Variants in VAC14 observed in about 807,000 individuals in gnomAD.
VAC14 encodes VAC14 component of PIKFYVE complex.
VAC14 carries 47 observed loss-of-function variants against 85.3 expected under a neutral mutation model. That is an observed-to-expected ratio of 0.55 (90% CI 0.44 to 0.70). The LOEUF is 0.70. VAC14 is among the 30% of genes least tolerant of loss of function. The pLI is 0.00. For missense variants in VAC14, 861 were observed against 1,004.3 expected (o/e 0.86, Z 1.93); for synonymous variants, 447 against 430.5 (o/e 1.04, Z -0.47).
intron 1 of VAC14, among the ~76,000 whole-genome samples, chr16:70,798,479 C>G (rs912190399): frequency 2.0e-5 from 3 of 152,214 alleles, no homozygotes; most frequent in Non-Finnish European, 4.4e-5. Context: ...AGTGCTCAGA[C>G]AAGCAAAATG....
In VAC14 at chr16:70,702,560, C is replaced by T. The variant is rs143721309; in HGVS notation, c.1662-3749G>A. On this transcript the variant is annotated intron_variant, in intron 14 of 18. Transcript: ENST00000261776. ...TCCACTGAGGATGACTCCCATCCTA[C>T]TGCTGGGAAGGAGGTGGGGGCCGCA... 4.0e-3 allele frequency among the ~76,000 whole-genome samples: 610 copies of T among 152,298 alleles called. 4 individuals are homozygous for T. Among genetic ancestry groups the T allele is most frequent in the Non-Finnish European group, 6.5e-3 (443 of 68,010 alleles).
At chr16:70,787,198 T>A (rs1337460207) in intron 1 of VAC14, among the ~76,000 whole-genome samples, 1 of 152,170 alleles carries the variant, frequency 6.6e-6, no homozygotes, top group African/African-American at 2.4e-5. Context: ...AGGCATGGGT[T>A]TGACGGGAGA....
At chr16:70,695,681 C>A in intron 16 of VAC14, 58 bp from the exon 17 acceptor site, 1 of 1,531,222 alleles carries the variant, frequency 6.5e-7, no homozygotes, top group Non-Finnish European at 9.0e-7. Context: ...CAGCTCACAG[C>A]ACCACACGCC....
rs1440019963 is a variant in VAC14 at position 70,783,044 on chromosome 16, C to T, written c.800G>A (p.Cys267Tyr). 6.2e-7 allele frequency: 1 copy of T among 1,614,064 alleles called. No homozygotes were observed. The highest frequency in any genetic ancestry group is 8.5e-7 in the Non-Finnish European group (1 of 1,179,940). The change falls in exon 7 of 19, where the codon TGC becomes TAC. Residue 267 changes from cysteine to tyrosine, a missense_variant. Cys to Tyr is a radical substitution (Grantham distance 194, BLOSUM62 -2). This residue lies in a region of VAC14 where 629 missense variants were observed against 703.1 expected (regional missense o/e 0.89). Coordinates refer to ENST00000261776, the MANE Select transcript of VAC14 (RefSeq NM_018052.5). ...CCCCCAATACTCACCTGTTGTCTGG[C>T]AGTGGATCACCAGGATGTTGGCCAT... ...AEMANILVIH[C>Y]QTTDDLIQLT...
intron 12 of VAC14, chr16:70,756,229 T>G (rs1370948519): frequency 2.8e-6 from 1 of 356,130 alleles, no homozygotes. Context: ...TGCTCTGGGC[T>G]GGGCTGAGGC....
chr16:70,690,970 G>A, intron 18 of VAC14: 4 of 985,106 alleles, frequency 4.1e-6, no homozygotes, highest in Non-Finnish European at 4.8e-6. Flanking sequence ...AGAGGGCACT[G>A]GGCTTGCTGG....
At chr16:70,720,687 G>A (rs1205004639) in intron 14 of VAC14, among the ~76,000 whole-genome samples, 1 of 152,216 alleles carries the variant, frequency 6.6e-6, no homozygotes, top group Non-Finnish European at 1.5e-5. Flanking sequence ...TGATGACGAG[G>A]TGGATGGTGA....
At chr16:70,691,693 G>A in intron 18 of VAC14, 1 of 985,444 alleles carries the variant, frequency 1.0e-6, no homozygotes, top group Non-Finnish European at 1.2e-6. Context: ...GCACGAGCCG[G>A]TCTTGGTTGG....
intron 1 of VAC14, among the ~76,000 whole-genome samples, chr16:70,792,111 C>T (rs1054008436): frequency 6.6e-6 from 1 of 152,152 alleles, no homozygotes; most frequent in Non-Finnish European, 1.5e-5. Flanking sequence ...TCCTCTAACC[C>T]CTCGCTAGGT....
chr16:70,741,004 G>T (rs2030237145), intron 13 of VAC14, among the ~76,000 whole-genome samples: 1 of 152,254 alleles, frequency 6.6e-6, no homozygotes, highest in African/African-American at 2.4e-5. Flanking sequence ...TCCGCACCAT[G>T]TGGTTCCCTA....
At chr16:70,752,807 T>G (rs2031495697) in intron 12 of VAC14, among the ~76,000 whole-genome samples, 1 of 152,212 alleles carries the variant, frequency 6.6e-6, no homozygotes, top group African/African-American at 2.4e-5. Flanking sequence ...GATGAGCTCC[T>G]CATCCAACCA....
chr16:70,755,962 G>A (rs2031812247), intron 12 of VAC14: 6 of 455,660 alleles, frequency 1.3e-5, no homozygotes, highest in Non-Finnish European at 4.4e-6. Flanking sequence ...CTTCCCCCAG[G>A]TGGGACCCCA....
At chr16:70,782,544 C>G (rs989174844) in intron 7 of VAC14, among the ~76,000 whole-genome samples, 1 of 152,200 alleles carries the variant, frequency 6.6e-6, no homozygotes, top group Admixed American at 6.5e-5. Context: ...TGTGGCCCAT[C>G]CACCCCAGCA....
chr16:70,781,825 C>T (rs767598586), intron 8 of VAC14, 44 bp downstream of exon 8: 3 of 1,607,620 alleles, frequency 1.9e-6, no homozygotes, highest in Middle Eastern at 3.3e-4. Flanking sequence ...TTCATAATCC[C>T]TTTGGGGCTT....
intron 10 of VAC14, chr16:70,769,736 C>T (rs775032631): frequency 1.6e-4 from 25 of 152,252 alleles, no homozygotes; most frequent in Non-Finnish European, 1.5e-5. Context: ...TCATCCCAGC[C>T]GACAGTAGCA....
intron 1 of VAC14, among the ~76,000 whole-genome samples, chr16:70,787,837 G>T (rs942116998): frequency 1.3e-5 from 2 of 152,252 alleles, no homozygotes; most frequent in African/African-American, 4.8e-5. Flanking sequence ...GGTAACTGGG[G>T]AATCTCCAGT....
chr16:70,708,150 G>T (rs560851388), intron 14 of VAC14, among the ~76,000 whole-genome samples: 1 of 152,284 alleles, frequency 6.6e-6, no homozygotes, highest in Admixed American at 6.5e-5. Context: ...TCCATTCACA[G>T]GTACTCAAGC....
rs2033952239 is a variant in VAC14 at position 70,784,352 on chromosome 16, A to G, written c.487-132T>C. The G allele has an allele frequency of 4.4e-6, 3 of 680,146 alleles. 1 individual carries two copies. Among genetic ancestry groups the G allele is most frequent in the African/African-American group, 3.6e-5 (2 of 56,162 alleles). The allele number at this position is 680,146 out of a possible 1,614,324, so 42.1% of individuals were successfully genotyped here. On this transcript the variant is annotated intron_variant, in intron 4 of 18. Coordinates refer to ENST00000261776, the MANE Select transcript of VAC14 (RefSeq NM_018052.5). ...GAAAATGGCAGATCCTGAGCTAGGC[A>G]TAAGAGGTCTCTGGAGTATTCATCC...
intron 14 of VAC14, among the ~76,000 whole-genome samples, chr16:70,730,774 C>A (rs78014954): frequency 0.21 from 31,427 of 151,634 alleles, 5,133 homozygotes; most frequent in African/African-American, 0.46. Context: ...ATTTTGTATA[C>A]GGCATCTTTT....
Sources: allele counts gnomAD v4.1 joint callset (sites outside exome capture counted in the v4.1 genomes callset), GRCh38; gene constraint gnomAD v4.1.1; regional missense constraint gnomAD v4.1.1; transcripts MANE v1.5; gene names NCBI Gene and HGNC (gene_info 2026-07-23, HGNC 2026-07-21).